The following TPRG1 variants were observed in gnomAD, a reference collection of about 807,000 sequenced individuals.
The protein encoded by TPRG1 is tumor protein p63-regulated gene 1 protein.
TPRG1 carries 29 observed loss-of-function variants against 29.3 expected under a neutral mutation model. The ratio of observed to expected loss-of-function variants is 0.99; its 90% CI spans 0.74 to 1.35. The LOEUF (loss-of-function observed/expected upper bound fraction) is 1.35, where lower values mean the gene tolerates loss of function less well. Ranked by LOEUF, TPRG1 falls within the 40% of genes most tolerant of loss-of-function variation. TPRG1 has a pLI of 0.00. For synonymous variants in TPRG1, 130 were observed against 116.8 expected (o/e 1.11, Z -0.73); for missense variants, 327 against 335.0 (o/e 0.98, Z 0.19).
At chr3:189,022,819 C>T (rs916364525) in intron 3 of TPRG1, among the ~76,000 whole-genome samples, 2 of 152,230 alleles carry the variant, frequency 1.3e-5, no homozygotes, top group African/African-American at 4.8e-5. Context: ...GGGCGCCCCT[C>T]CCCCAGCCTC....
intron 4 of TPRG1, among the ~76,000 whole-genome samples, chr3:189,272,713 C>CTTTCTCCTTCCT (rs745809250): frequency 2.3e-5 from 3 of 132,412 alleles, no homozygotes; most frequent in Non-Finnish European, 3.2e-5. Context: ...TTCTTTCTTT[C>CTTTCTCCTTCCT]TCCTTCCTTC....
intron 4 of TPRG1, among the ~76,000 whole-genome samples, chr3:189,266,263 C>T (rs770176685): frequency 3.3e-5 from 5 of 152,144 alleles, no homozygotes; most frequent in African/African-American, 4.8e-5. Flanking sequence ...TTTTACTTTC[C>T]AATTTGCTTT....
At chr3:189,060,468 A>G (rs1449385575) in intron 4 of TPRG1, among the ~76,000 whole-genome samples, 2 of 152,122 alleles carry the variant, frequency 1.3e-5, no homozygotes. Context: ...GAAAGAAATA[A>G]ACAGCATCCA....
Position 189,212,731 on chromosome 3 carries a change from A to T in TPRG1, c.211-2561A>T, listed in dbSNP as rs73889117. On this transcript the variant is annotated intron_variant, in intron 2 of 5. Coordinates refer to ENST00000345063, the MANE Select transcript of TPRG1 (RefSeq NM_198485.4). ...TCATTGCAAAGTGACTGCAGTCTGG[A>T]CATGACAAGAGAGACCCAAGTGTCT... Among the ~76,000 whole-genome samples the T allele has an allele frequency of 7.4e-3, 1,125 of 152,280 alleles. 14 individuals carry two copies. The highest frequency in any genetic ancestry group is 0.026 in the African/African-American group (1,086 of 41,552).
At chr3:189,078,125 CTTTCTTT>C (rs1717342938) in intron 4 of TPRG1, among the ~76,000 whole-genome samples, 1 of 117,382 alleles carries the variant, frequency 8.5e-6, no homozygotes, top group South Asian at 3.0e-4. Flanking sequence ...TTCTTTCTTT[CTTTCTTT>C]CTTTCCTTTC....
intron 1 of TPRG1, among the ~76,000 whole-genome samples, chr3:189,184,289 A>G (rs914146566): frequency 6.6e-6 from 1 of 152,232 alleles, no homozygotes; most frequent in Non-Finnish European, 1.5e-5. Flanking sequence ...CAATGAGCCA[A>G]TGCAGATAAA....
At chr3:188,998,704 A>C (rs1711901726) in intron 1 of TPRG1, among the ~76,000 whole-genome samples, 1 of 152,218 alleles carries the variant, frequency 6.6e-6, no homozygotes, top group South Asian at 2.1e-4. Flanking sequence ...CATTTTGTTA[A>C]GTGATAAGCC....
chr3:189,235,414 G>A (rs1226912642), intron 3 of TPRG1, among the ~76,000 whole-genome samples: 6 of 151,860 alleles, frequency 4.0e-5, no homozygotes, highest in African/African-American at 1.5e-4. Flanking sequence ...GAGAGAGGTG[G>A]GTGGTGTTGA....
At chr3:189,033,561 A>T (rs1432598306) in intron 4 of TPRG1, among the ~76,000 whole-genome samples, 1 of 151,432 alleles carries the variant, frequency 6.6e-6, no homozygotes, top group African/African-American at 2.4e-5. Context: ...GGTATGAGCC[A>T]CTGCACTTAG....
At chr3:189,257,960 G>A (rs368925869) in intron 4 of TPRG1, among the ~76,000 whole-genome samples, 5 of 152,096 alleles carry the variant, frequency 3.3e-5, no homozygotes, top group African/African-American at 9.7e-5. Context: ...CCTTTAGCTC[G>A]GAGGAGTTTG....
chr3:189,314,558 C>T (rs1723185873), intron 5 of TPRG1, among the ~76,000 whole-genome samples: 1 of 152,190 alleles, frequency 6.6e-6, no homozygotes, highest in South Asian at 2.1e-4. Flanking sequence ...TTTTCCCAGA[C>T]AGTCTTGCTT....
chr3:189,155,277 G>A, intron 5 of TPRG1, among the ~76,000 whole-genome samples: 1 of 152,192 alleles, frequency 6.6e-6, no homozygotes, highest in Non-Finnish European at 1.5e-5. Flanking sequence ...TGGTTAGGAA[G>A]TTTCTGCAAT....
chr3:189,290,814 A>T (rs1718867156), intron 4 of TPRG1, among the ~76,000 whole-genome samples: 2 of 152,172 alleles, frequency 1.3e-5, no homozygotes, highest in African/African-American at 4.8e-5. Context: ...TTAGTTGAAA[A>T]GTTAACAGGA....
intron 4 of TPRG1, among the ~76,000 whole-genome samples, chr3:189,088,797 G>A (rs764017165): frequency 7.2e-5 from 11 of 152,080 alleles, no homozygotes; most frequent in Non-Finnish European, 1.5e-4. Flanking sequence ...GAATTAGGAG[G>A]TCAAATTAAC....
At chr3:189,227,960 A>G (rs981140538) in intron 3 of TPRG1, among the ~76,000 whole-genome samples, 2 of 152,042 alleles carry the variant, frequency 1.3e-5, no homozygotes, top group South Asian at 4.1e-4. Flanking sequence ...CTTCTCTACT[A>G]AAATACAAAA....
intron 4 of TPRG1, among the ~76,000 whole-genome samples, chr3:189,057,635 T>C (rs901754210): frequency 6.6e-6 from 1 of 150,836 alleles, no homozygotes; most frequent in African/African-American, 2.4e-5. Context: ...AAACTTCATG[T>C]TGAAACAAAA....
At chr3:189,291,981 G>A (rs1022134892) in intron 4 of TPRG1, among the ~76,000 whole-genome samples, 5 of 152,150 alleles carry the variant, frequency 3.3e-5, no homozygotes, top group Non-Finnish European at 7.4e-5. Context: ...GGTGAGCTCC[G>A]GGAGGACAGG....
intron 4 of TPRG1, among the ~76,000 whole-genome samples, chr3:189,288,318 C>T (rs1257530914): frequency 2.0e-5 from 3 of 152,012 alleles, no homozygotes; most frequent in South Asian, 2.1e-4. Context: ...TTTTCTGCAA[C>T]GTGTAGTGAG....
chr3:189,274,569 G>A (rs564224910), intron 4 of TPRG1, among the ~76,000 whole-genome samples: 1 of 152,132 alleles, frequency 6.6e-6, no homozygotes, highest in African/African-American at 2.4e-5. Flanking sequence ...CGAGGGTAGG[G>A]CCCAGATAGT....
Sources: allele counts gnomAD v4.1 joint callset (sites outside exome capture counted in the v4.1 genomes callset), GRCh38; gene constraint gnomAD v4.1.1; transcripts MANE v1.5; gene names NCBI Gene and HGNC (gene_info 2026-07-23, HGNC 2026-07-21).